The following PDE1A variants were observed in gnomAD, a reference collection of about 807,000 sequenced individuals.
The protein encoded by PDE1A is phosphodiesterase 1A.
PDE1A carries 35 observed loss-of-function variants against 61.7 expected under a neutral mutation model. The observed-to-expected ratio is 0.57, with a 90% confidence interval of 0.43 to 0.75. The LOEUF (loss-of-function observed/expected upper bound fraction) is 0.75. Ranked by LOEUF, PDE1A falls within the 30% of genes least tolerant of loss-of-function variation. PDE1A has a pLI of 0.00. For missense variants in PDE1A, 597 were observed against 630.6 expected (o/e 0.95, Z 0.57); for synonymous variants, 232 against 213.2 (o/e 1.09, Z -0.77).
the PDE1A span, among the ~76,000 whole-genome samples, chr2:182,636,306 A>G: frequency 1.3e-5 from 2 of 152,006 alleles, no homozygotes; most frequent in African/African-American, 4.8e-5. Flanking sequence ...GCTGATTAAT[A>G]GCTGTCTCCT....
At chr2:182,452,336 T>C (rs973286718) in intron 2 of PDE1A, among the ~76,000 whole-genome samples, 5 of 152,136 alleles carry the variant, frequency 3.3e-5, no homozygotes, top group African/African-American at 1.2e-4. Context: ...ATATTTTACA[T>C]GCACCTGAAG....
intron 1 of PDE1A, among the ~76,000 whole-genome samples, chr2:182,364,150 C>A (rs1014184008): frequency 5.9e-5 from 9 of 151,878 alleles, no homozygotes; most frequent in Non-Finnish European, 1.3e-4. Flanking sequence ...GCTCTAAGTA[C>A]CTTCCTTCCC....
the PDE1A span, among the ~76,000 whole-genome samples, chr2:182,622,053 A>C: frequency 6.6e-6 from 1 of 152,216 alleles, no homozygotes; most frequent in East Asian, 1.9e-4. Context: ...AGATGTGCAA[A>C]ATATGCCATC....
At chr2:182,489,916 C>T (rs188229931) in intron 2 of PDE1A, among the ~76,000 whole-genome samples, 13 of 152,226 alleles carry the variant, frequency 8.5e-5, no homozygotes, top group Admixed American at 5.2e-4. Flanking sequence ...TGTTATCACA[C>T]GGGGCAGTAG....
At chr2:182,523,861 T>C (rs1022563660), upstream of PDE1A, among the ~76,000 whole-genome samples, 3 of 152,146 alleles carry the variant, frequency 2.0e-5, no homozygotes, top group Non-Finnish European at 4.4e-5. Flanking sequence ...ACTATGTCTA[T>C]ACAAATGACA....
chr2:182,423,227 AT>A (rs1224047504), intron 1 of PDE1A, among the ~76,000 whole-genome samples: 4 of 152,226 alleles, frequency 2.6e-5, no homozygotes, highest in Non-Finnish European at 1.5e-5. Context: ...TTCCAAGGAA[AT>A]TTTTTAAAAA....
chr2:182,195,085 CT>C (rs1177846077), intron 10 of PDE1A, among the ~76,000 whole-genome samples: 16 of 152,056 alleles, frequency 1.1e-4, no homozygotes, highest in African/African-American at 3.9e-4. Context: ...GAAAATACTT[CT>C]CTTAATTGGT....
At chr2:182,492,077 T>A (rs1688429408) in intron 2 of PDE1A, among the ~76,000 whole-genome samples, 1 of 152,156 alleles carries the variant, frequency 6.6e-6, no homozygotes, top group South Asian at 2.1e-4. Context: ...TTTCCTATCA[T>A]CTTGCTTTGC....
the PDE1A span, among the ~76,000 whole-genome samples, chr2:182,707,413 G>C: frequency 2.7e-4 from 41 of 152,256 alleles, no homozygotes; most frequent in African/African-American, 9.4e-4. Flanking sequence ...AGAAAAATGA[G>C]AAAGAGCAGA....
intron 2 of PDE1A, among the ~76,000 whole-genome samples, chr2:182,512,094 G>A (rs1186356737): frequency 6.6e-6 from 1 of 152,024 alleles, no homozygotes; most frequent in Non-Finnish European, 1.5e-5. Flanking sequence ...TGCACACAGA[G>A]CCCACCACCT....
intron 1 of PDE1A, among the ~76,000 whole-genome samples, chr2:182,292,073 G>A (rs898335105): frequency 2.6e-5 from 4 of 151,838 alleles, no homozygotes; most frequent in Non-Finnish European, 5.9e-5. Flanking sequence ...TTGCCAACTT[G>A]GAAATAAATG....
the PDE1A span, among the ~76,000 whole-genome samples, chr2:182,554,539 T>G: frequency 2.0e-5 from 3 of 152,188 alleles, no homozygotes; most frequent in African/African-American, 7.2e-5. Context: ...GTTCTGAAAC[T>G]AAGCAGACCT....
At chr2:182,393,244 C>T (rs892686743) in intron 1 of PDE1A, among the ~76,000 whole-genome samples, 1 of 152,234 alleles carries the variant, frequency 6.6e-6, no homozygotes, top group African/African-American at 2.4e-5. Context: ...CATGTGTAAG[C>T]CACCAAGGTT....
chr2:182,173,158 CTG>C (rs1355223852), intron 13 of PDE1A, among the ~76,000 whole-genome samples: 1 of 152,042 alleles, frequency 6.6e-6, no homozygotes, highest in Non-Finnish European at 1.5e-5. Context: ...CCTACATGTC[CTG>C]TTGCACTGAT....
chr2:182,496,295 C>T (rs913835347), intron 2 of PDE1A, among the ~76,000 whole-genome samples: 1 of 152,008 alleles, frequency 6.6e-6, no homozygotes, highest in Non-Finnish European at 1.5e-5. Context: ...GGAAAAAAAG[C>T]CTTAAAAGGA....
chr2:182,283,420 TACAC>T (rs3063230), intron 1 of PDE1A, among the ~76,000 whole-genome samples: 11 of 149,572 alleles, frequency 7.4e-5, no homozygotes, highest in Admixed American at 2.0e-4. Flanking sequence ...CACACACACA[TACAC>T]ACACACACAC....
At chr2:182,580,278 T>C in the PDE1A span, among the ~76,000 whole-genome samples, 1 of 152,194 alleles carries the variant, frequency 6.6e-6, no homozygotes, top group South Asian at 2.1e-4. Context: ...GTAGGAAGTT[T>C]AAATAACAGA....
intron 1 of PDE1A, among the ~76,000 whole-genome samples, chr2:182,384,142 A>G (rs1700889493): frequency 6.6e-6 from 1 of 152,222 alleles, no homozygotes; most frequent in South Asian, 2.1e-4. Flanking sequence ...CTTCTGGCCC[A>G]TCCCAGTGCC....
At chr2:182,364,754 A>C (rs1397262233) in intron 1 of PDE1A, among the ~76,000 whole-genome samples, 1 of 152,022 alleles carries the variant, frequency 6.6e-6, no homozygotes, top group Non-Finnish European at 1.5e-5. Flanking sequence ...CAAACATGGA[A>C]CGTGTTTTTA....
Sources: gnomAD v4.1 joint callset for allele counts (sites outside exome capture counted in the v4.1 genomes callset) on GRCh38, gnomAD v4.1.1 for gene constraint, MANE v1.5 for transcripts, NCBI Gene and HGNC (gene_info 2026-07-23, HGNC 2026-07-21) for gene names.